ZNF654: variants seen among roughly 807,000 people sequenced by gnomAD.
The protein encoded by ZNF654 is zinc finger protein 654.
Under a neutral mutation model 95.3 loss-of-function variants are expected in ZNF654, and 19 were observed. That is an observed-to-expected ratio of 0.20 (90% CI 0.14 to 0.29). The LOEUF is 0.29. Among genes scored for constraint, ZNF654 ranks in the 10% least tolerant of loss-of-function variants. The probability of loss-of-function intolerance (pLI) is 1.00; values close to 1 mark genes in which losing one functional copy is unlikely to be tolerated. For missense variants in ZNF654, 1,046 were observed against 1,341.0 expected (o/e 0.78, Z 3.44); for synonymous variants, 413 against 457.9 (o/e 0.90, Z 1.25).
chr3:88,141,632 T>A lies in ZNF654; in HGVS notation c.3380-13T>A. 2 of 1,494,906 alleles carry A rather than the reference T, an allele frequency of 1.3e-6. No individual in the cohort carries two copies. Among genetic ancestry groups the A allele is most frequent in the Non-Finnish European group, 1.8e-6 (2 of 1,107,002 alleles). 92.6% of individuals were successfully genotyped at this position (1,494,906 alleles called of 1,614,324 possible). ...AATAAAACTTGCATTAACAGATGTG[T>A]TCTGTTTTACAGGTGCCTGATGAAA... is the stretch of plus-strand genomic sequence containing the variant. On this transcript the variant is annotated splice_polypyrimidine_tract_variant and intron_variant, in intron 8 of 8. Coordinates refer to ENST00000636215, the MANE Select transcript of ZNF654 (RefSeq NM_001350134.2).
chr3:88,069,267 C>A (rs1378491483), intron 1 of ZNF654, among the ~76,000 whole-genome samples: 1 of 152,058 alleles, frequency 6.6e-6, no homozygotes, highest in African/African-American at 2.4e-5. Context: ...ACTAAAAATA[C>A]AAAAATTAGT....
intron 1 of ZNF654, among the ~76,000 whole-genome samples, chr3:88,062,939 G>C (rs760074277): frequency 3.9e-5 from 6 of 152,240 alleles, no homozygotes; most frequent in Middle Eastern, 3.4e-3. Context: ...CTTATAATTT[G>C]TGTTTCGCAG....
chr3:88,129,559 G>A, intron 5 of ZNF654, 128 bp from the exon 6 acceptor site: 1 of 710,166 alleles, frequency 1.4e-6, no homozygotes, highest in Non-Finnish European at 2.2e-6. Context: ...TTCTGTACAA[G>A]TCATCATTGT....
At chr3:88,120,069 T>C (rs1705675215) in intron 3 of ZNF654, among the ~76,000 whole-genome samples, 1 of 55,118 alleles carries the variant, frequency 1.8e-5, no homozygotes, top group African/African-American at 4.2e-5. Flanking sequence ...ATAATTCTAC[T>C]TATTTAAAAA....
At position 88,112,713 on chromosome 3, in the gene ZNF654, C is replaced by A. The variant is rs78966257; in HGVS notation, c.333-402C>A. ...AATTTTATTCAACTCTTGTATCACC[C>A]TGAAAAAAATGAGATTTTGGATTTT... On this transcript the variant is annotated intron_variant, in intron 2 of 8. Coordinates refer to ENST00000636215, the MANE Select transcript of ZNF654 (RefSeq NM_001350134.2). 8.7e-3 allele frequency among the ~76,000 whole-genome samples: 1,319 copies of A among 151,886 alleles called. 10 individuals are homozygous for A. The highest frequency in any genetic ancestry group is 0.015 in the Non-Finnish European group (1,034 of 67,840).
rs1322040943 is a variant in ZNF654, at chr3:88,139,237, A to G, written c.1568A>G (p.His523Arg). ...DDVSGVQPKGHINTKKNLTAL... is the reference protein window; with the variant it reads ...DDVSGVQPKGRINTKKNLTAL... ...GTATCTGGAGTGCAGCCTAAAGGTCATATTAATACGAAGAAAAATCTTACA... is the reference window on the plus strand; with the variant it reads ...GTATCTGGAGTGCAGCCTAAAGGTCGTATTAATACGAAGAAAAATCTTACA... The change falls in exon 8 of 9, where the codon CAT (histidine) becomes CGT (arginine). Residue 523 changes from histidine (H) to arginine (R), a missense_variant. Around this residue, in one of 9 missense-constraint regions of ZNF654, gnomAD observed 100 missense variants for 108.9 expected, o/e 0.92. Coordinates refer to ENST00000636215, the MANE Select transcript of ZNF654 (RefSeq NM_001350134.2). The G allele has an allele frequency of 1.3e-6, 2 of 1,508,384 alleles. No individual in the cohort carries two copies. Among genetic ancestry groups the G allele is most frequent in the Non-Finnish European group, 1.8e-6 (2 of 1,133,336 alleles). 93.4% of individuals were successfully genotyped at this position (1,508,384 alleles called of 1,614,324 possible).
intron 2 of ZNF654, among the ~76,000 whole-genome samples, chr3:88,112,216 CAT>C (rs913815568): frequency 6.6e-6 from 1 of 151,276 alleles, no homozygotes; most frequent in African/African-American, 2.4e-5. Context: ...ATTTTAAAAG[CAT>C]ATATATTCTC....
intron 3 of ZNF654, among the ~76,000 whole-genome samples, chr3:88,117,005 A>C (rs1399174576): frequency 6.6e-6 from 1 of 152,224 alleles, no homozygotes; most frequent in Non-Finnish European, 1.5e-5. Flanking sequence ...TTTTTCTTAA[A>C]GGATCTGTTA....
chr3:88,140,008 C>T lies in ZNF654; in HGVS notation c.2339C>T (p.Thr780Ile). Residue 780 changes from threonine (T) to isoleucine (I), a missense_variant, in exon 8 of 9, where the codon ACA (threonine) becomes ATA (isoleucine). Thr to Ile is a moderately conservative substitution (Grantham distance 89, BLOSUM62 -1). This residue lies in a region of ZNF654 where 495 missense variants were observed against 537.0 expected (regional missense o/e 0.92). Coordinates refer to ENST00000636215, the MANE Select transcript of ZNF654 (RefSeq NM_001350134.2). ...VHPTDLNVRQ[T>I]VMKWSKGKCK... is the part of the protein sequence containing the mutation. ...CCAACCGATTTAAATGTGCGACAAA[C>T]AGTAATGAAGTGGAGCAAAGGAAAA... 6.2e-7 allele frequency: 1 copy of T among 1,613,726 alleles called. No individual in the cohort carries two copies. The highest frequency in any genetic ancestry group is 1.1e-5 in the South Asian group (1 of 91,074).
intron 2 of ZNF654, among the ~76,000 whole-genome samples, chr3:88,100,696 A>G (rs1237738522): frequency 2.6e-5 from 4 of 152,202 alleles, no homozygotes; most frequent in African/African-American, 7.2e-5. Flanking sequence ...ATTCTCAGCA[A>G]ACTATCACAA....
At chr3:88,063,323 G>C (rs1248910476) in intron 1 of ZNF654, among the ~76,000 whole-genome samples, 1 of 152,180 alleles carries the variant, frequency 6.6e-6, no homozygotes, top group Non-Finnish European at 1.5e-5. Flanking sequence ...GATATAAATG[G>C]CAGTAAAGTT....
chr3:88,131,866 G>A (rs4501136), intron 6 of ZNF654, among the ~76,000 whole-genome samples: 119,057 of 151,872 alleles, frequency 0.78, 47,564 homozygotes, highest in South Asian at 0.91. Flanking sequence ...TCCAAAGTCT[G>A]TGCTGTCTGT....
intron 4 of ZNF654, among the ~76,000 whole-genome samples, chr3:88,127,707 C>T (rs1264204123): frequency 1.3e-5 from 2 of 152,028 alleles, no homozygotes; most frequent in Non-Finnish European, 2.9e-5. Context: ...GTTGTTCGTT[C>T]GTCTGAGGGC....
At chr3:88,101,438 A>G (rs1433050933) in intron 2 of ZNF654, among the ~76,000 whole-genome samples, 1 of 152,206 alleles carries the variant, frequency 6.6e-6, no homozygotes, top group Non-Finnish European at 1.5e-5. Flanking sequence ...GTCTTGCGAA[A>G]TAGTCATGTA....
chr3:88,113,045 C>G, intron 2 of ZNF654, 70 bp from the exon 3 acceptor site: 3 of 1,059,106 alleles, frequency 2.8e-6, no homozygotes, highest in Non-Finnish European at 4.1e-6. Context: ...ATAGCTGATA[C>G]TGTTTGATAA....
chr3:88,106,921 A>C (rs1195684613), intron 2 of ZNF654, among the ~76,000 whole-genome samples: 4 of 152,168 alleles, frequency 2.6e-5, no homozygotes, highest in African/African-American at 9.7e-5. Context: ...AAATTTTCAC[A>C]TACTATTGTG....
intron 1 of ZNF654, among the ~76,000 whole-genome samples, chr3:88,078,342 A>C (rs1455467069): frequency 6.6e-6 from 1 of 152,208 alleles, no homozygotes. Context: ...ATGATTTTCA[A>C]ATTGGTAACT....
intron 1 of ZNF654, among the ~76,000 whole-genome samples, chr3:88,072,513 G>A (rs1707572109): frequency 6.6e-6 from 1 of 151,964 alleles, no homozygotes; most frequent in Non-Finnish European, 1.5e-5. Context: ...GTACATATCT[G>A]CTTCTTGGCT....
At chr3:88,094,395 G>A (rs949868239) in intron 2 of ZNF654, among the ~76,000 whole-genome samples, 1 of 152,050 alleles carries the variant, frequency 6.6e-6, no homozygotes, top group Non-Finnish European at 1.5e-5. Flanking sequence ...TGTTTTATGA[G>A]CAAAGAGATA....
Sources: allele counts gnomAD v4.1 joint callset (sites outside exome capture counted in the v4.1 genomes callset), GRCh38; gene constraint gnomAD v4.1.1; regional missense constraint gnomAD v4.1.1; transcripts MANE v1.5; gene names NCBI Gene and HGNC (gene_info 2026-07-23, HGNC 2026-07-21).